TPX2: variants seen among roughly 807,000 people sequenced by gnomAD.
TPX2 encodes the protein TPX2 microtubule nucleation factor.
In TPX2, 21 loss-of-function variants were observed where a neutral mutation model predicts 93.6. The ratio of observed to expected loss-of-function variants is 0.22; its 90% confidence interval spans 0.16 to 0.32. TPX2 has a LOEUF of 0.32. TPX2 is among the 10% of genes least tolerant of loss of function. The pLI, the probability that TPX2 is intolerant of heterozygous loss-of-function variation, is 1.00. For missense variants in TPX2, 776 were observed against 871.1 expected (o/e 0.89, Z 1.37); for synonymous variants, 281 against 298.3 (o/e 0.94, Z 0.60).
intron 7 of TPX2, among the ~76,000 whole-genome samples, chr20:31,773,564 A>ATAGG (rs1222570159): frequency 2.0e-5 from 3 of 152,172 alleles, no homozygotes; most frequent in Admixed American, 2.0e-4. Context: ...AGTGCTGGGT[A>ATAGG]TAGGTGTGAG....
At chr20:31,769,126 A>G (rs1158941930) in intron 5 of TPX2, among the ~76,000 whole-genome samples, 1 of 152,118 alleles carries the variant, frequency 6.6e-6, no homozygotes, top group Non-Finnish European at 1.5e-5. Flanking sequence ...TTTTGGGTGC[A>G]GCACACCAGC....
intron 17 of TPX2, among the ~76,000 whole-genome samples, chr20:31,799,545 G>A (rs2062157397): frequency 6.6e-6 from 1 of 152,108 alleles, no homozygotes; most frequent in Non-Finnish European, 1.5e-5. Flanking sequence ...ATTCCATAAT[G>A]TATGTCTACT....
At chr20:31,741,317 G>GTTTTTT (rs966215046) in intron 1 of TPX2, among the ~76,000 whole-genome samples, 1 of 140,826 alleles carries the variant, frequency 7.1e-6, no homozygotes. Context: ...TTTTGTTTTT[G>GTTTTTT]TTTTTTTTTT....
At chr20:31,797,301 A>G (rs2062144639) in intron 15 of TPX2, 103 bp from the exon 16 acceptor site, 3 of 1,003,962 alleles carry the variant, frequency 3.0e-6, no homozygotes, top group East Asian at 4.9e-5. Flanking sequence ...TAAATCTGCT[A>G]TTTTTATTGA....
At chr20:31,748,582 C>T (rs773278079) in intron 2 of TPX2, among the ~76,000 whole-genome samples, 4 of 152,140 alleles carry the variant, frequency 2.6e-5, no homozygotes, top group Admixed American at 6.6e-5. Context: ...CTTTGTTGAA[C>T]AGGATCTTAT....
At chr20:31,784,103 A>G (rs1423633996) in intron 12 of TPX2, among the ~76,000 whole-genome samples, 182 bp downstream of exon 12, 1 of 152,242 alleles carries the variant, frequency 6.6e-6, no homozygotes, top group Non-Finnish European at 1.5e-5. Flanking sequence ...TATGGGAGAC[A>G]ATATATGTGT....
intron 7 of TPX2, among the ~76,000 whole-genome samples, chr20:31,774,730 T>G (rs527953873): frequency 6.6e-6 from 1 of 152,328 alleles, no homozygotes; most frequent in South Asian, 2.1e-4. Flanking sequence ...TTTATGTGTA[T>G]TAACCCTAGG....
Position 31,801,201 on chromosome 20 carries a change from C to G in TPX2, c.*121C>G. Reference sequence around the variant, plus strand: ...CCCATTTCTCCAGACTTTTACCTACCCGTGCCTGAGAAAGCATACTTGACA... The same window carrying G: ...CCCATTTCTCCAGACTTTTACCTACGCGTGCCTGAGAAAGCATACTTGACA... On this transcript the variant is annotated 3_prime_UTR_variant, in exon 18 of 18. Transcript: ENST00000300403. 3.7e-6 allele frequency: 3 copies of G among 804,564 alleles called. No homozygotes were observed. The South Asian group carries it at 5.1e-5, about 14-fold the overall frequency. 49.8% of individuals were successfully genotyped at this position (804,564 alleles called of 1,614,324 possible).
In TPX2 at chr20:31,766,543, T is replaced by G. The variant is rs1268557658; in HGVS notation, c.230-13T>G. Reference sequence around the variant, plus strand: ...TGGCCTTTGAGTGCTGACTAGCTTTTGGTCTTCCGCAGTTGACAACACTTA... The same window carrying G: ...TGGCCTTTGAGTGCTGACTAGCTTTGGGTCTTCCGCAGTTGACAACACTTA... On this transcript the variant is annotated splice_polypyrimidine_tract_variant and intron_variant, in intron 4 of 17. Transcript: ENST00000300403. The G allele has an allele frequency of 1.2e-6, 2 of 1,608,800 alleles. No homozygotes were observed. Among genetic ancestry groups the G allele is most frequent in the East Asian group, 2.2e-5 (1 of 44,764 alleles).
intron 15 of TPX2, among the ~76,000 whole-genome samples, chr20:31,795,664 T>C (rs2062134338): frequency 6.6e-6 from 1 of 152,260 alleles, no homozygotes; most frequent in Non-Finnish European, 1.5e-5. Context: ...TCATTCATTG[T>C]GTTTATTCCT....
intron 14 of TPX2, 146 bp downstream of exon 14, chr20:31,794,170 TTAAA>T (rs1332107983): frequency 7.3e-6 from 8 of 1,095,380 alleles, no homozygotes; most frequent in Non-Finnish European, 1.0e-5. Flanking sequence ...GACAAGTAAT[TTAAA>T]TAATCCTTCT....
At chr20:31,772,840 C>G (rs779705771) in intron 7 of TPX2, among the ~76,000 whole-genome samples, 35 of 152,196 alleles carry the variant, frequency 2.3e-4, no homozygotes, top group Middle Eastern at 3.4e-3. Flanking sequence ...TAGGCAGAAC[C>G]ATTTCTTTGA....
chr20:31,800,293 G>A (rs1377534828), intron 17 of TPX2, among the ~76,000 whole-genome samples: 6 of 151,844 alleles, frequency 4.0e-5, no homozygotes, highest in Admixed American at 1.3e-4. Context: ...CTTTTTTCCC[G>A]GCCTCAACTT....
intron 7 of TPX2, among the ~76,000 whole-genome samples, chr20:31,775,419 A>C (rs574032652): frequency 1.3e-5 from 2 of 151,260 alleles, no homozygotes; most frequent in Admixed American, 6.6e-5. Context: ...CTCTGTGGCC[A>C]GGCTGGAGTG....
intron 2 of TPX2, among the ~76,000 whole-genome samples, chr20:31,746,665 A>G (rs982267324): frequency 6.6e-6 from 1 of 152,104 alleles, no homozygotes; most frequent in African/African-American, 2.4e-5. Flanking sequence ...GTAGTCCCCT[A>G]TTTCACCCTG....
intron 12 of TPX2, 99 bp from the exon 13 acceptor site, chr20:31,792,636 C>A (rs999306410): frequency 1.7e-6 from 2 of 1,166,174 alleles, no homozygotes; most frequent in Non-Finnish European, 1.3e-6. Flanking sequence ...CATAGTGAGA[C>A]CCTGTCTCTA....
chr20:31,787,887 A>G (rs2062076749), intron 12 of TPX2, among the ~76,000 whole-genome samples: 1 of 152,132 alleles, frequency 6.6e-6, no homozygotes, highest in African/African-American at 2.4e-5. Flanking sequence ...TCAGGGTGAA[A>G]TTCAACAGAA....
At chr20:31,744,986 C>G (rs2061775411) in intron 2 of TPX2, among the ~76,000 whole-genome samples, 1 of 152,056 alleles carries the variant, frequency 6.6e-6, no homozygotes, top group Non-Finnish European at 1.5e-5. Flanking sequence ...ACTCGGGAGG[C>G]TGAGGTGGAA....
chr20:31,753,879 AGCCAGGCGTGGTGGC>A (rs1455258674), intron 2 of TPX2, among the ~76,000 whole-genome samples: 1 of 152,102 alleles, frequency 6.6e-6, no homozygotes, highest in Non-Finnish European at 1.5e-5. Context: ...TAGAAAAATT[AGCCAGGCGTGGTGGC>A]GCACGCTTGT....
Sources: gnomAD v4.1 joint callset for allele counts (sites outside exome capture counted in the v4.1 genomes callset) on GRCh38, gnomAD v4.1.1 for gene constraint, MANE v1.5 for transcripts, NCBI Gene and HGNC (gene_info 2026-07-23, HGNC 2026-07-21) for gene names.